The following TLN2 variants were observed in gnomAD, a reference collection of about 807,000 sequenced individuals.
The protein encoded by TLN2 is talin-2.
Under a neutral mutation model 294.7 loss-of-function variants are expected in TLN2, and 118 were observed. The observed-to-expected ratio is 0.40, with a 90% CI of 0.34 to 0.47. The LOEUF (loss-of-function observed/expected upper bound fraction) is 0.47. Among genes scored for constraint, TLN2 ranks in the 20% least tolerant of loss-of-function variants. The pLI, the probability that TLN2 is intolerant of heterozygous loss-of-function variation, is 0.84. For missense variants in TLN2, 3,083 were observed against 3,282.2 expected, an observed-to-expected ratio of 0.94 and a Z score of 1.48; for synonymous variants, 1,431 against 1,304.5, an observed-to-expected ratio of 1.10 and a Z score of -2.09.
chr15:62,840,377 G>A (rs2141273274), intron 58 of TLN2, 105 bp from the exon 59 acceptor site: 1 of 1,489,954 alleles, frequency 6.7e-7, no homozygotes, highest in South Asian at 1.3e-5. Context: ...ATGTGCTGCA[G>A]TGTCCCACGG....
chr15:62,770,921 A>G (rs543435978), intron 41 of TLN2, 43 bp from the exon 42 acceptor site: 2 of 1,575,850 alleles, frequency 1.3e-6, no homozygotes, highest in East Asian at 2.3e-5. Context: ...AGACACGTGT[A>G]TTTACATGAT....
At chr15:62,644,848 G>A (rs2140926556) in intron 3 of TLN2, 1 of 304,164 alleles carries the variant, frequency 3.3e-6, no homozygotes, top group Non-Finnish European at 6.4e-6. Context: ...ATGGTTAGGG[G>A]GACCATTCAT....
chr15:62,641,218 T>C (rs770283854), intron 3 of TLN2, among the ~76,000 whole-genome samples: 1 of 152,148 alleles, frequency 6.6e-6, no homozygotes, highest in South Asian at 2.1e-4. Context: ...ACATAATAGA[T>C]ACAAAATAAA....
At chr15:62,792,856 G>A in intron 46 of TLN2, 69 bp downstream of exon 46, 1 of 1,580,078 alleles carries the variant, frequency 6.3e-7, no homozygotes, top group Non-Finnish European at 8.6e-7. Context: ...CTGTAATCAA[G>A]GACAAAAGCA....
At chr15:62,777,512 G>A (rs369695685) in intron 43 of TLN2, among the ~76,000 whole-genome samples, 29 of 146,690 alleles carry the variant, frequency 2.0e-4, no homozygotes, top group African/African-American at 7.3e-4. Flanking sequence ...CTCTAGCCTG[G>A]GCAACGAGCG....
chr15:62,571,935 G>A (rs534170344), intron 1 of TLN2, among the ~76,000 whole-genome samples: 13 of 152,324 alleles, frequency 8.5e-5, no homozygotes, highest in African/African-American at 2.9e-4. Context: ...TATCCTGTAA[G>A]GCCTCTTCAT....
chr15:62,573,258 G>A (rs2044065085), intron 1 of TLN2, among the ~76,000 whole-genome samples: 1 of 151,984 alleles, frequency 6.6e-6, no homozygotes, highest in Non-Finnish European at 1.5e-5. Context: ...TTCTCACTCT[G>A]GCAGCCACCC....
intron 1 of TLN2, among the ~76,000 whole-genome samples, chr15:62,535,556 ATTT>A (rs34539193): frequency 7.2e-6 from 1 of 139,730 alleles, no homozygotes; most frequent in African/African-American, 2.7e-5. Context: ...AGATAACTTG[ATTT>A]TTTTTTTTTT....
intron 1 of TLN2, among the ~76,000 whole-genome samples, chr15:62,579,793 TGG>T (rs2044759262): frequency 6.6e-6 from 1 of 152,196 alleles, no homozygotes; most frequent in Non-Finnish European, 1.5e-5. Flanking sequence ...GTCCTTCAGC[TGG>T]ATTGTGTCAC....
At position 62,561,039 on chromosome 15, in the gene TLN2, G is replaced by T. The variant is rs775615707; in HGVS notation, c.-237-28648G>T. 2.0e-5 allele frequency among the ~76,000 whole-genome samples: 3 copies of T among 152,248 alleles called. No homozygotes were observed. The East Asian group carries it at 5.8e-4, about 29-fold the overall frequency. On this transcript the variant is annotated intron_variant, in intron 1 of 58. Coordinates refer to ENST00000636159, the MANE Select transcript of TLN2 (RefSeq NM_015059.3). ...CCTCTACACAGAAGGAAAGGGAAAA[G>T]AAATCATTATTCCAAAACAAGACGG...
chr15:62,782,191 G>T (rs1220506106), intron 44 of TLN2, among the ~76,000 whole-genome samples: 1 of 152,220 alleles, frequency 6.6e-6, no homozygotes, highest in Non-Finnish European at 1.5e-5. Flanking sequence ...GTGTCCACTA[G>T]GGGTTGAGCT....
rs576983633 is a variant in TLN2 at position 62,551,568 on chromosome 15, A to C, written c.-237-38119A>C. Among the ~76,000 whole-genome samples, 6 of 151,986 alleles carry C rather than the reference A, an allele frequency of 3.9e-5. No homozygotes were observed. In the South Asian group the frequency reaches 1.2e-3, roughly 32 times the overall value. The stretch of plus-strand genomic sequence containing the variant: ...CACACAAATAGCCAGATGTGGTGGC[A>C]GGCACCTGTAATCCCAGCTACTCGG... On this transcript the variant is annotated intron_variant, in intron 1 of 58. Coordinates refer to ENST00000636159, the MANE Select transcript of TLN2 (RefSeq NM_015059.3).
intron 44 of TLN2, 91 bp downstream of exon 44, chr15:62,781,332 G>T (rs1020811529): frequency 1.6e-5 from 16 of 1,000,920 alleles, no homozygotes; most frequent in Middle Eastern, 2.7e-4. Flanking sequence ...CTGTGTCAGA[G>T]AGAGAGCCCA....
intron 1 of TLN2, among the ~76,000 whole-genome samples, chr15:62,442,514 A>T: frequency 6.6e-6 from 1 of 150,796 alleles, no homozygotes; most frequent in East Asian, 2.0e-4. Flanking sequence ...AAAAAAAAAA[A>T]AAATTAGAGG....
At chr15:62,527,241 G>A (rs977563304) in intron 1 of TLN2, among the ~76,000 whole-genome samples, 5 of 152,176 alleles carry the variant, frequency 3.3e-5, no homozygotes, top group African/African-American at 1.2e-4. Context: ...CATTTTAGGT[G>A]GTGATGATGA....
intron 4 of TLN2, among the ~76,000 whole-genome samples, chr15:62,647,696 C>T (rs141891587): frequency 6.6e-6 from 1 of 152,164 alleles, no homozygotes; most frequent in African/African-American, 2.4e-5. Context: ...GGATTATGCT[C>T]TGCGGTTTAC....
chr15:62,480,699 G>C (rs2038039476), intron 1 of TLN2, among the ~76,000 whole-genome samples: 2 of 152,170 alleles, frequency 1.3e-5, no homozygotes, highest in South Asian at 4.1e-4. Context: ...TTCTGGTCCT[G>C]CGTTGCATGC....
chr15:62,492,409 A>C (rs2038787018), intron 1 of TLN2, among the ~76,000 whole-genome samples: 1 of 152,110 alleles, frequency 6.6e-6, no homozygotes, highest in African/African-American at 2.4e-5. Flanking sequence ...ATACAAAAAA[A>C]TTAGCTGGGC....
intron 1 of TLN2, among the ~76,000 whole-genome samples, chr15:62,533,253 CAAAAAAAAA>C (rs10650730): frequency 1.9e-5 from 1 of 51,424 alleles, no homozygotes; most frequent in African/African-American, 8.0e-5. Flanking sequence ...GACTCTGTCT[CAAAAAAAAA>C]AAAAAAAAAA....
Sources: gnomAD v4.1 joint callset for allele counts (sites outside exome capture counted in the v4.1 genomes callset) on GRCh38, gnomAD v4.1.1 for gene constraint, MANE v1.5 for transcripts, NCBI Gene and HGNC (gene_info 2026-07-23, HGNC 2026-07-21) for gene names.